Variants in MAP3K20 observed in about 807,000 individuals in gnomAD.
MAP3K20 encodes the protein HCCS-4.
A neutral mutation model predicts 85.7 loss-of-function variants in MAP3K20; 40 were observed. The observed-to-expected ratio is 0.47, with a 90% CI of 0.36 to 0.61. The LOEUF (loss-of-function observed/expected upper bound fraction) is 0.61. Ranked by LOEUF, MAP3K20 falls within the 20% of genes least tolerant of loss-of-function variation. The probability of loss-of-function intolerance (pLI) is 0.00; values close to 1 mark genes in which losing one functional copy is unlikely to be tolerated. For synonymous variants in MAP3K20, 325 were observed against 327.7 expected, an observed-to-expected ratio of 0.99 and a Z score of 0.09; for missense variants, 817 against 961.7, an observed-to-expected ratio of 0.85 and a Z score of 1.99.
At chr2:173,200,149 A>G (rs1206592273) in intron 8 of MAP3K20, among the ~76,000 whole-genome samples, 1 of 152,230 alleles carries the variant, frequency 6.6e-6, no homozygotes, top group Non-Finnish European at 1.5e-5. Context: ...GGGTATTACA[A>G]GGATATTTAT....
intron 2 of MAP3K20, among the ~76,000 whole-genome samples, chr2:173,151,567 G>A (rs1689308768): frequency 6.6e-6 from 1 of 152,188 alleles, no homozygotes; most frequent in Admixed American, 6.5e-5. Flanking sequence ...TGTATACAAA[G>A]GCCTAGGCAT....
intron 2 of MAP3K20, among the ~76,000 whole-genome samples, chr2:173,167,604 A>G (rs1689872034): frequency 6.6e-6 from 1 of 152,136 alleles, no homozygotes; most frequent in Non-Finnish European, 1.5e-5. Flanking sequence ...TTTGCAAAAA[A>G]TATGAGCACA....
chr2:173,140,080 C>T (rs1220133427), intron 2 of MAP3K20, among the ~76,000 whole-genome samples: 1 of 152,114 alleles, frequency 6.6e-6, no homozygotes, highest in Non-Finnish European at 1.5e-5. Context: ...GGCGCAATCT[C>T]AGCTCACTGC....
chr2:173,084,291 A>G (rs926968266), intron 1 of MAP3K20, among the ~76,000 whole-genome samples: 5 of 152,114 alleles, frequency 3.3e-5, no homozygotes, highest in Non-Finnish European at 5.9e-5. Flanking sequence ...TAGACGTGCA[A>G]TTGACTGTGC....
intron 9 of MAP3K20, among the ~76,000 whole-genome samples, chr2:173,204,249 T>A (rs556623978): frequency 6.6e-6 from 1 of 152,336 alleles, no homozygotes; most frequent in East Asian, 1.9e-4. Flanking sequence ...CCTCAGAATA[T>A]CTCTATGAAA....
At chr2:173,168,900 A>G (rs1255793763) in intron 2 of MAP3K20, among the ~76,000 whole-genome samples, 1 of 152,156 alleles carries the variant, frequency 6.6e-6, no homozygotes, top group Non-Finnish European at 1.5e-5. Flanking sequence ...AGTTTAATAA[A>G]TACAACTTAT....
intron 1 of MAP3K20, among the ~76,000 whole-genome samples, chr2:173,086,491 T>C (rs1355693432): frequency 6.6e-6 from 1 of 152,228 alleles, no homozygotes; most frequent in Non-Finnish European, 1.5e-5. Flanking sequence ...ATACCCTAGA[T>C]TACTAGTTTA....
intron 2 of MAP3K20, among the ~76,000 whole-genome samples, chr2:173,116,736 C>T (rs1478391118): frequency 1.3e-5 from 2 of 152,214 alleles, no homozygotes; most frequent in African/African-American, 4.8e-5. Flanking sequence ...CTTCTTTCTA[C>T]CATGACCTCC....
intron 2 of MAP3K20, among the ~76,000 whole-genome samples, chr2:173,109,937 T>C (rs1182420901): frequency 6.6e-6 from 1 of 151,714 alleles, no homozygotes; most frequent in East Asian, 1.9e-4. Flanking sequence ...TCAGTTTGGG[T>C]TCCCATTTGA....
intron 2 of MAP3K20, among the ~76,000 whole-genome samples, chr2:173,155,352 T>C (rs1689433822): frequency 1.3e-5 from 2 of 152,222 alleles, no homozygotes; most frequent in African/African-American, 4.8e-5. Flanking sequence ...AATTATCTTG[T>C]ATATTTCTTG....
chr2:173,130,315 C>A (rs1336785807), intron 2 of MAP3K20, among the ~76,000 whole-genome samples: 1 of 152,046 alleles, frequency 6.6e-6, no homozygotes, highest in East Asian at 1.9e-4. Flanking sequence ...GAAAAATGTC[C>A]ATTTTTTTAA....
intron 2 of MAP3K20, among the ~76,000 whole-genome samples, chr2:173,099,006 T>C (rs1687546830): frequency 6.6e-6 from 1 of 152,256 alleles, no homozygotes; most frequent in Non-Finnish European, 1.5e-5. Flanking sequence ...ACTACTTTTA[T>C]TGTACCTAGC....
chr2:173,223,333 G>A (rs985834873), intron 11 of MAP3K20: 3 of 888,610 alleles, frequency 3.4e-6, no homozygotes, highest in African/African-American at 1.8e-5. Flanking sequence ...GATCTTCAGC[G>A]TGGGAATAAT....
intron 14 of MAP3K20, among the ~76,000 whole-genome samples, chr2:173,234,681 GAA>G (rs1373249377): frequency 2.0e-5 from 3 of 152,206 alleles, no homozygotes; most frequent in Non-Finnish European, 4.4e-5. Context: ...TGGAGGAACA[GAA>G]AAGAGGAGTC....
chr2:173,210,033 C>A, intron 10 of MAP3K20, 198 bp downstream of exon 10: 1 of 570,790 alleles, frequency 1.8e-6, no homozygotes, highest in Non-Finnish European at 3.1e-6. Context: ...TTTCTCCAAG[C>A]TTGTTGCCTT....
chr2:173,159,949 T>G (rs1277534569), intron 2 of MAP3K20: 4 of 152,160 alleles, frequency 2.6e-5, no homozygotes, highest in Non-Finnish European at 5.9e-5. Flanking sequence ...GTCGGCTGCA[T>G]CACACCAGGA....
At chr2:173,174,461 G>C (rs914817063) in intron 3 of MAP3K20, among the ~76,000 whole-genome samples, 2 of 152,162 alleles carry the variant, frequency 1.3e-5, no homozygotes, top group Non-Finnish European at 2.9e-5. Context: ...TGTGGTGTTT[G>C]GTTTTCTGTT....
intron 2 of MAP3K20, among the ~76,000 whole-genome samples, chr2:173,102,128 C>G (rs1340062045): frequency 3.3e-5 from 5 of 152,118 alleles, no homozygotes; most frequent in Non-Finnish European, 7.4e-5. Flanking sequence ...TACACAGTAC[C>G]TGGTCCACAA....
At chr2:173,191,697 G>A (rs1021676635) in intron 7 of MAP3K20, among the ~76,000 whole-genome samples, 1 of 152,212 alleles carries the variant, frequency 6.6e-6, no homozygotes, top group Non-Finnish European at 1.5e-5. Flanking sequence ...AGATGACCTT[G>A]TCCATGTCTG....
Sources: allele counts gnomAD v4.1 joint callset (sites outside exome capture counted in the v4.1 genomes callset), GRCh38; gene constraint gnomAD v4.1.1; transcripts MANE v1.5; gene names NCBI Gene and HGNC (gene_info 2026-07-23, HGNC 2026-07-21).